COMMD10: variants seen among roughly 807,000 people sequenced by gnomAD.
The protein encoded by COMMD10 is COMM domain containing 10, also known as COMM domain-containing protein 10.
COMMD10 carries 33 observed loss-of-function variants against 28.9 expected under a neutral mutation model. That is an observed-to-expected ratio of 1.14 (90% CI 0.87 to 1.53). The LOEUF (loss-of-function observed/expected upper bound fraction) is 1.53. Among genes scored for constraint, COMMD10 ranks in the 40% most tolerant of loss-of-function variants. The pLI, the probability that COMMD10 is intolerant of heterozygous loss-of-function variation, is 0.00. For missense variants in COMMD10, 310 were observed against 233.4 expected, an observed-to-expected ratio of 1.33 and a Z score of -2.14; for synonymous variants, 110 against 81.7, an observed-to-expected ratio of 1.35 and a Z score of -1.87.
chr5:116,235,280 A>G (rs1749631820), intron 5 of COMMD10, among the ~76,000 whole-genome samples: 1 of 152,186 alleles, frequency 6.6e-6, no homozygotes, highest in African/African-American at 2.4e-5. Flanking sequence ...TTGGTCCTAC[A>G]GGATTCAGAA....
chr5:116,209,912 T>C lies in COMMD10; in HGVS notation c.510+75734T>C, dbSNP rs1748914610. ...CTGGTGCAATAATAATACTACACACTGGGTAAATTGTAAAGAATAGAGATT... is the reference window on the plus strand; with the variant it reads ...CTGGTGCAATAATAATACTACACACCGGGTAAATTGTAAAGAATAGAGATT... On this transcript the variant is annotated intron_variant, in intron 5 of 6. Coordinates refer to ENST00000274458, the MANE Select transcript of COMMD10 (RefSeq NM_016144.4). Among the ~76,000 whole-genome samples, 3 of 152,160 alleles carry C rather than the reference T, an allele frequency of 2.0e-5. No individual in the cohort carries two copies. In the South Asian group the frequency reaches 6.2e-4, roughly 31 times the overall value.
chr5:116,200,470 A>T (rs745883786), intron 5 of COMMD10, among the ~76,000 whole-genome samples: 2 of 152,090 alleles, frequency 1.3e-5, no homozygotes, highest in Non-Finnish European at 2.9e-5. Flanking sequence ...CGTATCTGAC[A>T]TTAATCTGAG....
intron 5 of COMMD10, among the ~76,000 whole-genome samples, chr5:116,206,854 T>C (rs182502361): frequency 4.7e-4 from 71 of 152,302 alleles, no homozygotes; most frequent in African/African-American, 1.7e-3. Context: ...ATATTCAATC[T>C]AATTTCCTTT....
intron 5 of COMMD10, among the ~76,000 whole-genome samples, chr5:116,219,537 A>G (rs954187157): frequency 2.6e-5 from 4 of 152,176 alleles, no homozygotes; most frequent in African/African-American, 9.7e-5. Flanking sequence ...TCACTAAGGT[A>G]GAGACTGGGA....
At chr5:116,175,217 G>T in intron 5 of COMMD10, among the ~76,000 whole-genome samples, 1 of 151,438 alleles carries the variant, frequency 6.6e-6, no homozygotes. Flanking sequence ...TTATTTTTGT[G>T]TCTGTATCAC....
At chr5:116,263,218 T>A (rs1750495616) in intron 5 of COMMD10, among the ~76,000 whole-genome samples, 1 of 151,768 alleles carries the variant, frequency 6.6e-6, no homozygotes, top group Admixed American at 6.6e-5. Context: ...TACGTCTGAA[T>A]TGGAGCTGAG....
chr5:116,191,606 C>T (rs767509776), intron 5 of COMMD10, among the ~76,000 whole-genome samples: 28 of 151,906 alleles, frequency 1.8e-4, no homozygotes, highest in Non-Finnish European at 3.4e-4. Flanking sequence ...CTGGGAATCT[C>T]ACCCCAACCC....
Position 116,086,470 on chromosome 5 carries a change from T to G in COMMD10, c.42-1027T>G, listed in dbSNP as rs534718012. Among the ~76,000 whole-genome samples the G allele has an allele frequency of 7.7e-3, 1,157 of 151,230 alleles. 14 individuals are homozygous for G. Among genetic ancestry groups the G allele is most frequent in the African/African-American group, 0.026 (1,076 of 41,202 alleles). On this transcript the variant is annotated intron_variant, in intron 1 of 6. Transcript: ENST00000274458. ...GCGGGCTAATCTCTCTCTCTTTTTT[T>G]TCCCTGAGAGGGCGTTTCCCTCTTG...
intron 5 of COMMD10, among the ~76,000 whole-genome samples, chr5:116,288,734 T>G (rs1222080661): frequency 6.6e-6 from 1 of 151,710 alleles, no homozygotes; most frequent in Non-Finnish European, 1.5e-5. Flanking sequence ...TCTAATAAGT[T>G]TTTCCATTCC....
At chr5:116,170,122 T>A (rs1753272229) in intron 5 of COMMD10, among the ~76,000 whole-genome samples, 1 of 152,194 alleles carries the variant, frequency 6.6e-6, no homozygotes. Context: ...CTTAAGCTGA[T>A]AAGCAACTTC....
intron 4 of COMMD10, among the ~76,000 whole-genome samples, chr5:116,122,343 C>T (rs1425446228): frequency 2.0e-5 from 3 of 152,100 alleles, no homozygotes; most frequent in African/African-American, 7.2e-5. Flanking sequence ...TGGTCTGTAT[C>T]TCTGTTTTGG....
chr5:116,277,489 A>G (rs1334107910), intron 5 of COMMD10, among the ~76,000 whole-genome samples: 2 of 151,864 alleles, frequency 1.3e-5, no homozygotes, highest in Non-Finnish European at 2.9e-5. Flanking sequence ...ATATCTTATC[A>G]AATTAGTTAT....
intron 5 of COMMD10, among the ~76,000 whole-genome samples, chr5:116,283,752 TAAAC>T (rs978233656): frequency 2.6e-5 from 4 of 151,804 alleles, no homozygotes; most frequent in Admixed American, 6.6e-5. Flanking sequence ...ATACTGCTGT[TAAAC>T]AACCAATAAA....
chr5:116,235,396 G>A (rs1285001267), intron 5 of COMMD10, among the ~76,000 whole-genome samples: 1 of 152,146 alleles, frequency 6.6e-6, no homozygotes, highest in African/African-American at 2.4e-5. Context: ...CAGTTGAAAA[G>A]CTGTCATTTA....
At chr5:116,218,898 T>G (rs763640786) in intron 5 of COMMD10, among the ~76,000 whole-genome samples, 1 of 152,140 alleles carries the variant, frequency 6.6e-6, no homozygotes, top group African/African-American at 2.4e-5. Flanking sequence ...GAATTGTGCT[T>G]CCTCAAAATT....
intron 5 of COMMD10, among the ~76,000 whole-genome samples, chr5:116,289,713 G>C (rs1208735140): frequency 6.6e-6 from 1 of 151,890 alleles, no homozygotes; most frequent in Non-Finnish European, 1.5e-5. Flanking sequence ...TTCCACATGG[G>C]AGAGAGGCAT....
At chr5:116,201,960 A>C (rs994947530) in intron 5 of COMMD10, among the ~76,000 whole-genome samples, 5 of 151,848 alleles carry the variant, frequency 3.3e-5, no homozygotes, top group African/African-American at 1.2e-4. Context: ...ATATGTATAC[A>C]TGTGCCATGC....
chr5:116,113,782 A>G (rs933998771), intron 4 of COMMD10, among the ~76,000 whole-genome samples: 7 of 151,814 alleles, frequency 4.6e-5, no homozygotes, highest in Non-Finnish European at 1.0e-4. Flanking sequence ...TGGGGTTGTA[A>G]GGTTTTCTTT....
intron 5 of COMMD10, among the ~76,000 whole-genome samples, chr5:116,244,874 G>A (rs1300786841): frequency 6.6e-6 from 1 of 151,836 alleles, no homozygotes; most frequent in Non-Finnish European, 1.5e-5. Context: ...CATATCACAA[G>A]TTAGAAAGAT....
Sources: allele counts gnomAD v4.1 joint callset (sites outside exome capture counted in the v4.1 genomes callset), GRCh38; gene constraint gnomAD v4.1.1; transcripts MANE v1.5; gene names NCBI Gene and HGNC (gene_info 2026-07-23, HGNC 2026-07-21).